Variants in RASEF observed in about 807,000 individuals in gnomAD.
RASEF encodes the protein ras and EF-hand domain-containing protein.
In RASEF, 68 loss-of-function variants were observed where a neutral mutation model predicts 90.1. The ratio of observed to expected loss-of-function variants is 0.75; its 90% confidence interval spans 0.62 to 0.92. The LOEUF (loss-of-function observed/expected upper bound fraction) is 0.92. RASEF is among the 40% of genes least tolerant of loss of function. RASEF has a pLI of 0.00. For synonymous variants in RASEF, 331 were observed against 345.2 expected, an observed-to-expected ratio of 0.96 and a Z score of 0.46; for missense variants, 949 against 937.2, an observed-to-expected ratio of 1.01 and a Z score of -0.16.
rs767597750 is a variant in RASEF at position 83,000,482 on chromosome 9, C to G, written c.1526G>C (p.Gly509Ala). The change falls in exon 11 of 17, where the codon GGC becomes GCC. Residue 509 changes from glycine to alanine, a missense_variant. This residue lies in a region of RASEF where 288 missense variants were observed against 328.4 expected (regional missense o/e 0.88). Transcript: ENST00000376447. Reference sequence around the variant, plus strand: ...CTTTCTTGATGAACTAACAATGCTGCCTTCACTAACAGACCCTTGGGGCTT... The same window carrying G: ...CTTTCTTGATGAACTAACAATGCTGGCTTCACTAACAGACCCTTGGGGCTT... ...DWKPQGSVSE[G>A]SIVSSSRKPI... 5.0e-6 allele frequency: 8 copies of G among 1,614,080 alleles called. No individual in the cohort carries two copies. The East Asian group carries it at 1.8e-4, about 36-fold the overall frequency.
At chr9:83,214,046 G>T in the RASEF span, among the ~76,000 whole-genome samples, 4 of 152,106 alleles carry the variant, frequency 2.6e-5, no homozygotes, top group East Asian at 7.7e-4. Flanking sequence ...GACTGCACCT[G>T]TGAAAAGCCT....
chr9:83,154,179 T>A, the RASEF span, among the ~76,000 whole-genome samples: 2 of 152,194 alleles, frequency 1.3e-5, no homozygotes, highest in Non-Finnish European at 2.9e-5. Flanking sequence ...TCAATGGGGT[T>A]CAGATTCCTT....
the RASEF span, among the ~76,000 whole-genome samples, chr9:83,189,836 C>A: frequency 6.6e-6 from 1 of 152,158 alleles, no homozygotes. Flanking sequence ...AAACAAACAT[C>A]AATTCAACCA....
At chr9:82,985,960 C>T (rs781088610) in intron 16 of RASEF, among the ~76,000 whole-genome samples, 1 of 152,042 alleles carries the variant, frequency 6.6e-6, no homozygotes, top group Admixed American at 6.6e-5. Context: ...ATGGCTATGG[C>T]GTTTCCGGTG....
At chr9:83,061,703 T>C (rs2117922390) in intron 1 of RASEF, among the ~76,000 whole-genome samples, 1 of 152,330 alleles carries the variant, frequency 6.6e-6, no homozygotes, top group East Asian at 1.9e-4. Flanking sequence ...ACGTTATTTC[T>C]GTCAGAGCAG....
chr9:83,067,045 T>C (rs1017080644), upstream of RASEF, among the ~76,000 whole-genome samples: 18 of 152,198 alleles, frequency 1.2e-4, no homozygotes, highest in African/African-American at 4.1e-4. Context: ...AATACCACTT[T>C]AACCTGCTTT....
Position 83,000,984 on chromosome 9 carries a change from T to G in RASEF, c.1349A>C (p.Asp450Ala). The G allele has an allele frequency of 6.2e-7, 1 of 1,614,068 alleles. No homozygotes were observed. Among genetic ancestry groups the G allele is most frequent in the Non-Finnish European group, 8.5e-7 (1 of 1,179,998 alleles). Reference protein sequence around the residue: ...LSTLRDPNEYDSEVEYKHQRG... With the variant: ...LSTLRDPNEYASEVEYKHQRG... ...CTGGTGCTTGTATTCCACTTCTGAGTCATACTCATTGGGATCTCTCAAGGT... is the reference window on the plus strand; with the variant it reads ...CTGGTGCTTGTATTCCACTTCTGAGGCATACTCATTGGGATCTCTCAAGGT... The change falls in exon 10 of 17, where the codon GAC (aspartate) becomes GCC (alanine). Residue 450 changes from aspartate to alanine, a missense_variant. By Grantham distance (126) the Asp-to-Ala change is moderately radical (BLOSUM62 -2). Transcript: ENST00000376447.
chr9:83,199,349 T>C, the RASEF span, among the ~76,000 whole-genome samples: 1 of 152,050 alleles, frequency 6.6e-6, no homozygotes, highest in Non-Finnish European at 1.5e-5. Flanking sequence ...CAAAAGAATG[T>C]GCATCTGTAG....
the RASEF span, among the ~76,000 whole-genome samples, chr9:83,131,466 G>A: frequency 5.3e-5 from 8 of 152,132 alleles, no homozygotes; most frequent in African/African-American, 1.9e-4. Flanking sequence ...AAAGCTAGAG[G>A]GTTAGAAGAC....
At chr9:83,140,667 T>C in the RASEF span, among the ~76,000 whole-genome samples, 1 of 152,108 alleles carries the variant, frequency 6.6e-6, no homozygotes, top group African/African-American at 2.4e-5. Context: ...ATTATATAAA[T>C]ACAACATTTG....
At chr9:83,208,868 C>T in the RASEF span, among the ~76,000 whole-genome samples, 1 of 152,088 alleles carries the variant, frequency 6.6e-6, no homozygotes, top group Non-Finnish European at 1.5e-5. Context: ...TTTCTTATTT[C>T]CTAGAGCATT....
chr9:83,090,726 G>A, the RASEF span, among the ~76,000 whole-genome samples: 1 of 151,870 alleles, frequency 6.6e-6, no homozygotes, highest in African/African-American at 2.4e-5. Context: ...TGTATACCTT[G>A]TAATTTGGGG....
chr9:83,207,422 T>TA, the RASEF span, among the ~76,000 whole-genome samples: 2 of 152,156 alleles, frequency 1.3e-5, no homozygotes. Context: ...GCCCTGCATA[T>TA]ACCATGTGCA....
At chr9:83,102,608 C>G in the RASEF span, among the ~76,000 whole-genome samples, 1 of 152,152 alleles carries the variant, frequency 6.6e-6, no homozygotes, top group Non-Finnish European at 1.5e-5. Context: ...GGGCTACACA[C>G]GAGTTCAGGC....
the RASEF span, among the ~76,000 whole-genome samples, chr9:83,190,336 C>A: frequency 3.9e-5 from 6 of 152,046 alleles, no homozygotes; most frequent in African/African-American, 1.4e-4. Flanking sequence ...TTAAACTAAA[C>A]CATTTTAAAA....
At chr9:83,013,970 G>A (rs1587495458) in intron 4 of RASEF, among the ~76,000 whole-genome samples, 2 of 152,166 alleles carry the variant, frequency 1.3e-5, no homozygotes, top group South Asian at 4.1e-4. Context: ...CAAGGATTCA[G>A]GTCTCCTGAC....
At chr9:83,142,000 T>C in the RASEF span, among the ~76,000 whole-genome samples, 1 of 152,222 alleles carries the variant, frequency 6.6e-6, no homozygotes, top group East Asian at 1.9e-4. Flanking sequence ...TATAAAACTA[T>C]GTACAAAAGG....
the RASEF span, among the ~76,000 whole-genome samples, chr9:83,097,801 T>C: frequency 6.6e-6 from 1 of 152,158 alleles, no homozygotes; most frequent in African/African-American, 2.4e-5. Context: ...AGGCATGATA[T>C]GAATTTGTTC....
At chr9:83,121,249 A>G in the RASEF span, among the ~76,000 whole-genome samples, 1 of 152,192 alleles carries the variant, frequency 6.6e-6, no homozygotes, top group Non-Finnish European at 1.5e-5. Flanking sequence ...TTAATAATAC[A>G]CACGTAAGTA....
Sources: gnomAD v4.1 joint callset for allele counts (sites outside exome capture counted in the v4.1 genomes callset) on GRCh38, gnomAD v4.1.1 for gene constraint, gnomAD v4.1.1 regional missense constraint, MANE v1.5 for transcripts, NCBI Gene and HGNC (gene_info 2026-07-23, HGNC 2026-07-21) for gene names.